Variants in STK32B observed in about 807,000 individuals in gnomAD.
STK32B encodes the protein serine/threonine-protein kinase 32B.
A neutral mutation model predicts 52.6 loss-of-function variants in STK32B; 43 were observed. The observed-to-expected ratio is 0.82, with a 90% confidence interval of 0.64 to 1.05. The LOEUF (loss-of-function observed/expected upper bound fraction) is 1.05. Among genes scored for constraint, STK32B ranks in the 50% least tolerant of loss-of-function variants. The probability of loss-of-function intolerance (pLI) is 0.00; values close to 1 mark genes in which losing one functional copy is unlikely to be tolerated. For missense variants in STK32B, 621 were observed against 534.6 expected (o/e 1.16, Z -1.59); for synonymous variants, 238 against 204.3 (o/e 1.17, Z -1.41).
chr4:5,288,210 A>G (rs1476322147), intron 3 of STK32B, among the ~76,000 whole-genome samples: 3 of 152,172 alleles, frequency 2.0e-5, no homozygotes, highest in Non-Finnish European at 4.4e-5. Flanking sequence ...TATTTGGTCC[A>G]GGTTTTTGTG....
intron 3 of STK32B, among the ~76,000 whole-genome samples, chr4:5,198,239 A>C (rs913992423): frequency 8.5e-5 from 13 of 152,230 alleles, no homozygotes; most frequent in African/African-American, 3.1e-4. Context: ...TCTAGATGTC[A>C]GCCAACACTC....
chr4:5,311,892 G>C (rs1227379972), intron 3 of STK32B, among the ~76,000 whole-genome samples: 1 of 144,900 alleles, frequency 6.9e-6, no homozygotes, highest in African/African-American at 2.8e-5. Flanking sequence ...TGGAAGAGAA[G>C]TGCATACTTT....
intron 1 of STK32B, among the ~76,000 whole-genome samples, chr4:5,062,125 T>G (rs1349634579): frequency 6.6e-6 from 1 of 152,182 alleles, no homozygotes; most frequent in Non-Finnish European, 1.5e-5. Flanking sequence ...GTTTCAAAGG[T>G]AAGCTCTCCC....
At chr4:5,021,699 C>T in the STK32B span, among the ~76,000 whole-genome samples, 6 of 152,180 alleles carry the variant, frequency 3.9e-5, no homozygotes, top group African/African-American at 1.2e-4. Flanking sequence ...TTGTTCCACC[C>T]GCAATACCGT....
chr4:5,167,901 C>T (rs891673726), intron 2 of STK32B, among the ~76,000 whole-genome samples: 1 of 152,200 alleles, frequency 6.6e-6, no homozygotes, highest in African/African-American at 2.4e-5. Flanking sequence ...TGAGGAGATT[C>T]AGGTGGGCAC....
At chr4:5,072,670 G>A (rs555368998) in intron 1 of STK32B, among the ~76,000 whole-genome samples, 3 of 151,544 alleles carry the variant, frequency 2.0e-5, no homozygotes, top group Non-Finnish European at 4.4e-5. Context: ...ATCTACCTTG[G>A]TAAACATGCC....
At chr4:5,172,638 C>CT (rs200072989) in intron 3 of STK32B, among the ~76,000 whole-genome samples, 10,861 of 152,228 alleles carry the variant, frequency 0.071, 667 homozygotes, top group Admixed American at 0.17. Context: ...TTGAACTAGC[C>CT]TTGCATCCCA....
chr4:5,417,018 G>T, intron 6 of STK32B, 84 bp downstream of exon 6: 1 of 1,253,640 alleles, frequency 8.0e-7, no homozygotes, highest in Non-Finnish European at 1.1e-6. Flanking sequence ...ATCTGCCACT[G>T]CCCGCTGCCA....
chr4:5,098,209 T>C (rs1465411152), intron 1 of STK32B, among the ~76,000 whole-genome samples: 1 of 152,160 alleles, frequency 6.6e-6, no homozygotes, highest in Non-Finnish European at 1.5e-5. Flanking sequence ...CAGGGTGTGG[T>C]ATGGAAAGCA....
At chr4:5,368,645 C>T (rs779925456) in intron 4 of STK32B, among the ~76,000 whole-genome samples, 4 of 152,176 alleles carry the variant, frequency 2.6e-5, no homozygotes, top group Non-Finnish European at 4.4e-5. Context: ...GGCCTCATCT[C>T]TCATGAGTCA....
chr4:5,302,053 T>C (rs562625555), intron 3 of STK32B, among the ~76,000 whole-genome samples: 1 of 152,056 alleles, frequency 6.6e-6, no homozygotes, highest in Admixed American at 6.6e-5. Flanking sequence ...TAGTATGCTA[T>C]TTTAATTACT....
At chr4:5,486,640 T>C (rs1173698836) in intron 11 of STK32B, among the ~76,000 whole-genome samples, 3 of 152,220 alleles carry the variant, frequency 2.0e-5, no homozygotes, top group African/African-American at 7.2e-5. Flanking sequence ...GGTACCTCAG[T>C]TGGAAATGCA....
At chr4:5,154,845 G>T (rs1212309117) in intron 2 of STK32B, among the ~76,000 whole-genome samples, 4 of 152,168 alleles carry the variant, frequency 2.6e-5, no homozygotes, top group Admixed American at 2.6e-4. Flanking sequence ...GGGTGAGAGA[G>T]GGAAGAGGAC....
intron 3 of STK32B, among the ~76,000 whole-genome samples, chr4:5,296,318 G>T (rs530630409): frequency 6.6e-6 from 1 of 152,152 alleles, no homozygotes; most frequent in Non-Finnish European, 1.5e-5. Context: ...GAATATCCTT[G>T]TTAATTTTCT....
At chr4:5,161,044 G>A (rs1377260357) in intron 2 of STK32B, among the ~76,000 whole-genome samples, 2 of 152,198 alleles carry the variant, frequency 1.3e-5, no homozygotes, top group Non-Finnish European at 2.9e-5. Context: ...GATCCACAGT[G>A]AAGGACTTTG....
At chr4:5,031,408 G>A in the STK32B span, among the ~76,000 whole-genome samples, 1 of 152,022 alleles carries the variant, frequency 6.6e-6, no homozygotes. Context: ...GCCAGTCTGG[G>A]CAACATAGTA....
intron 11 of STK32B, among the ~76,000 whole-genome samples, chr4:5,475,565 G>C (rs1286038924): frequency 5.3e-5 from 8 of 151,518 alleles, no homozygotes; most frequent in Admixed American, 6.6e-5. Flanking sequence ...CAAGCGTGGT[G>C]GTGCACGCCT....
At chr4:5,338,251 T>A (rs916891614) in intron 4 of STK32B, among the ~76,000 whole-genome samples, 1 of 151,970 alleles carries the variant, frequency 6.6e-6, no homozygotes, top group South Asian at 2.1e-4. Flanking sequence ...CACAGCAAAA[T>A]GAAGAGGAGA....
At chr4:5,331,150 G>A in intron 3 of STK32B, 70 bp from the exon 4 acceptor site, 1 of 1,430,014 alleles carries the variant, frequency 7.0e-7, no homozygotes, top group South Asian at 1.4e-5. Flanking sequence ...TCTGTAAAAT[G>A]GAGGCATTGG....
Sources: gnomAD v4.1 joint callset for allele counts (sites outside exome capture counted in the v4.1 genomes callset) on GRCh38, gnomAD v4.1.1 for gene constraint, MANE v1.5 for transcripts, NCBI Gene and HGNC (gene_info 2026-07-23, HGNC 2026-07-21) for gene names.